The following PLXNA4 variants were observed in gnomAD, a reference collection of about 807,000 sequenced individuals.
PLXNA4 encodes plexin-A4.
A neutral mutation model predicts 191.8 loss-of-function variants in PLXNA4; 44 were observed. That is an observed-to-expected ratio of 0.23 (90% CI 0.18 to 0.29). The LOEUF is 0.29. PLXNA4 is among the 10% of genes least tolerant of loss of function. The probability of loss-of-function intolerance (pLI) is 1.00; values close to 1 mark genes in which losing one functional copy is unlikely to be tolerated. For synonymous variants in PLXNA4, 1,082 were observed against 1,009.5 expected, an observed-to-expected ratio of 1.07 and a Z score of -1.36; for missense variants, 1,800 against 2,488.8, an observed-to-expected ratio of 0.72 and a Z score of 5.89.
chr7:132,151,843 C>T (rs4731851), intron 25 of PLXNA4, among the ~76,000 whole-genome samples: 1 of 151,916 alleles, frequency 6.6e-6, no homozygotes, highest in African/African-American at 2.4e-5. Context: ...GTATAACTGG[C>T]GGGCAGCCCC....
chr7:132,324,717 C>G (rs570812495), intron 3 of PLXNA4, among the ~76,000 whole-genome samples: 18 of 152,262 alleles, frequency 1.2e-4, no homozygotes, highest in Admixed American at 5.9e-4. Flanking sequence ...AGTAATTTTG[C>G]AGATTAAACA....
intron 2 of PLXNA4, among the ~76,000 whole-genome samples, chr7:132,489,927 C>G (rs1211820202): frequency 2.0e-5 from 3 of 152,146 alleles, no homozygotes; most frequent in African/African-American, 7.2e-5. Flanking sequence ...GTCTTCGTAT[C>G]TATACAGAAG....
chr7:132,346,728 C>G (rs17166374), intron 3 of PLXNA4, among the ~76,000 whole-genome samples: 60,827 of 152,078 alleles, frequency 0.4, 12,367 homozygotes, highest in African/African-American at 0.46. Flanking sequence ...ACAATGTAAA[C>G]TCTTTTGAGA....
chr7:132,142,118 G>A (rs1795288394), intron 29 of PLXNA4, among the ~76,000 whole-genome samples: 1 of 152,168 alleles, frequency 6.6e-6, no homozygotes, highest in Admixed American at 6.5e-5. Flanking sequence ...AGACAAAGAG[G>A]GAAAAGTGTG....
At chr7:132,622,678 G>A (rs535488303) in intron 2 of PLXNA4, among the ~76,000 whole-genome samples, 1 of 152,290 alleles carries the variant, frequency 6.6e-6, no homozygotes, top group East Asian at 1.9e-4. Flanking sequence ...CATCAGGCTT[G>A]AGGGACCCTG....
At chr7:132,519,004 T>C (rs1218383733) in intron 1 of PLXNA4, among the ~76,000 whole-genome samples, 2 of 152,164 alleles carry the variant, frequency 1.3e-5, no homozygotes, top group African/African-American at 4.8e-5. Flanking sequence ...CACGTGGAGA[T>C]CGCCTTGAGA....
intron 1 of PLXNA4, among the ~76,000 whole-genome samples, chr7:132,557,456 G>T (rs150077583): frequency 1.3e-5 from 2 of 149,322 alleles, no homozygotes; most frequent in East Asian, 1.9e-4. Flanking sequence ...ATGGCGGCAG[G>T]GGGGGACGTA....
intron 3 of PLXNA4, among the ~76,000 whole-genome samples, chr7:132,381,621 T>C (rs1459862529): frequency 6.6e-6 from 1 of 152,220 alleles, no homozygotes; most frequent in African/African-American, 2.4e-5. Context: ...CTGGCATGGA[T>C]ATTAATAAGG....
chr7:132,475,603 G>A (rs916763232), intron 3 of PLXNA4, among the ~76,000 whole-genome samples: 2 of 151,986 alleles, frequency 1.3e-5, no homozygotes, highest in African/African-American at 4.8e-5. Flanking sequence ...CCCTTCCCCT[G>A]ACCCAACTCC....
intron 5 of PLXNA4, among the ~76,000 whole-genome samples, chr7:132,233,689 G>A (rs1036572474): frequency 3.3e-5 from 5 of 152,218 alleles, no homozygotes; most frequent in Admixed American, 3.3e-4. Context: ...CAGGGGTTGA[G>A]TGGAGACCCA....
chr7:132,433,646 A>G (rs1795359793), intron 3 of PLXNA4, among the ~76,000 whole-genome samples: 1 of 152,054 alleles, frequency 6.6e-6, no homozygotes. Context: ...ATCTTTTATC[A>G]TTTCCTACTT....
chr7:132,542,031 T>A (rs1213681497), intron 1 of PLXNA4, among the ~76,000 whole-genome samples: 1 of 152,014 alleles, frequency 6.6e-6, no homozygotes, highest in Non-Finnish European at 1.5e-5. Flanking sequence ...AGAGGTGCTT[T>A]AAAAAAAATG....
chr7:132,180,027 G>A, intron 19 of PLXNA4, 106 bp from the exon 20 acceptor site: 1 of 1,453,672 alleles, frequency 6.9e-7, no homozygotes, highest in Non-Finnish European at 9.1e-7. Flanking sequence ...TGACGGAAAG[G>A]AGACCAATCA....
intron 2 of PLXNA4, among the ~76,000 whole-genome samples, chr7:132,618,583 C>T (rs554293260): frequency 8.5e-5 from 13 of 152,308 alleles, no homozygotes; most frequent in African/African-American, 2.9e-4. Context: ...TCTGCCTCTC[C>T]GGTTTTTCCT....
chr7:132,221,135 C>A (rs555220102), intron 9 of PLXNA4, among the ~76,000 whole-genome samples: 1 of 152,268 alleles, frequency 6.6e-6, no homozygotes, highest in African/African-American at 2.4e-5. Flanking sequence ...CACGCCTGGC[C>A]TTATTTTATT....
intron 25 of PLXNA4, among the ~76,000 whole-genome samples, chr7:132,150,122 G>C (rs1795552589): frequency 2.6e-5 from 4 of 152,160 alleles, no homozygotes; most frequent in Admixed American, 2.6e-4. Flanking sequence ...AGTCTCTGGG[G>C]ACCATCCATC....
chr7:132,374,893 G>C (rs1423720982), intron 3 of PLXNA4, among the ~76,000 whole-genome samples: 2 of 152,218 alleles, frequency 1.3e-5, no homozygotes, highest in South Asian at 2.1e-4. Flanking sequence ...GCCACCCAGA[G>C]TCAGTTACAA....
chr7:132,497,933 G>A (rs1163843414), intron 2 of PLXNA4, among the ~76,000 whole-genome samples: 1 of 152,134 alleles, frequency 6.6e-6, no homozygotes, highest in Non-Finnish European at 1.5e-5. Context: ...GGGAGAGCCA[G>A]CAAGCCACAG....
At chr7:132,324,506 T>C (rs968263394) in intron 3 of PLXNA4, among the ~76,000 whole-genome samples, 1 of 152,202 alleles carries the variant, frequency 6.6e-6, no homozygotes, top group African/African-American at 2.4e-5. Context: ...TTCAGGTTAA[T>C]GGTTTGAGAG....
Sources: allele counts gnomAD v4.1 joint callset (sites outside exome capture counted in the v4.1 genomes callset), GRCh38; gene constraint gnomAD v4.1.1; transcripts MANE v1.5; gene names NCBI Gene and HGNC (gene_info 2026-07-23, HGNC 2026-07-21).